ADAMTS6: variants seen among roughly 807,000 people sequenced by gnomAD.
ADAMTS6 encodes ADAM metallopeptidase with thrombospondin type 1 motif 6.
In ADAMTS6, 23 loss-of-function variants were observed where a neutral mutation model predicts 144.3. The observed-to-expected ratio is 0.16, with a 90% confidence interval of 0.11 to 0.23. The LOEUF (loss-of-function observed/expected upper bound fraction) is 0.23, where lower values mean the gene tolerates loss of function less well. Among genes scored for constraint, ADAMTS6 ranks in the 10% least tolerant of loss-of-function variants. The probability of loss-of-function intolerance (pLI) is 1.00; values close to 1 mark genes in which losing one functional copy is unlikely to be tolerated. For missense variants in ADAMTS6, 999 were observed against 1,379.6 expected, an observed-to-expected ratio of 0.72 and a Z score of 4.37; for synonymous variants, 444 against 457.5, an observed-to-expected ratio of 0.97 and a Z score of 0.38.
intron 11 of ADAMTS6, among the ~76,000 whole-genome samples, chr5:65,279,891 T>G (rs753202030): frequency 6.6e-6 from 1 of 152,204 alleles, no homozygotes; most frequent in Non-Finnish European, 1.5e-5. Flanking sequence ...TTCCTCGTGT[T>G]GTTTGTTATT....
chr5:65,315,973 G>A (rs1263887515), intron 9 of ADAMTS6, among the ~76,000 whole-genome samples: 2 of 152,242 alleles, frequency 1.3e-5, no homozygotes, highest in African/African-American at 4.8e-5. Context: ...GTGCAGTAGC[G>A]CAAGCTCAGC....
intron 7 of ADAMTS6, among the ~76,000 whole-genome samples, chr5:65,335,261 C>A (rs1044943357): frequency 6.6e-6 from 1 of 152,104 alleles, no homozygotes; most frequent in African/African-American, 2.4e-5. Context: ...TTCTTTTCCT[C>A]TTGCATAAAC....
At chr5:65,193,667 G>A (rs1348226359) in intron 21 of ADAMTS6, among the ~76,000 whole-genome samples, 1 of 152,030 alleles carries the variant, frequency 6.6e-6, no homozygotes, top group Non-Finnish European at 1.5e-5. Context: ...GAAAGTAATT[G>A]GACAATGTGA....
chr5:65,334,192 A>G (rs1747080545), intron 7 of ADAMTS6, 107 bp from the exon 8 acceptor site: 4 of 1,230,066 alleles, frequency 3.3e-6, no homozygotes, highest in Non-Finnish European at 4.5e-6. Context: ...AATTAATGCA[A>G]TTATGAGCAA....
At chr5:65,394,399 T>C (rs917763711) in intron 7 of ADAMTS6, among the ~76,000 whole-genome samples, 1 of 152,186 alleles carries the variant, frequency 6.6e-6, no homozygotes, top group Non-Finnish European at 1.5e-5. Context: ...TAGCCAGAAC[T>C]GCCCAGCTGA....
At chr5:65,416,126 C>T (rs773056981) in intron 7 of ADAMTS6, 1 of 190,050 alleles carries the variant, frequency 5.3e-6, no homozygotes, top group Non-Finnish European at 1.1e-5. Flanking sequence ...CTGTATTCAC[C>T]AAGTCTCCCT....
At chr5:65,413,730 TAATAA>T (rs1188499962) in intron 7 of ADAMTS6, among the ~76,000 whole-genome samples, 1 of 152,110 alleles carries the variant, frequency 6.6e-6, no homozygotes, top group Non-Finnish European at 1.5e-5. Flanking sequence ...TAATGTACAT[TAATAA>T]AATAAAATAT....
chr5:65,452,623 T>C (rs1758843243), intron 5 of ADAMTS6, 84 bp downstream of exon 5: 1 of 1,445,918 alleles, frequency 6.9e-7, no homozygotes, highest in Admixed American at 1.9e-5. Context: ...CTTATCATTA[T>C]TTACTTCACA....
chr5:65,270,036 A>C lies in ADAMTS6; in HGVS notation c.1620+3304T>G, dbSNP rs138034845. 4.6e-3 allele frequency among the ~76,000 whole-genome samples: 702 copies of C among 152,186 alleles called. 6 individuals are homozygous for C. Among genetic ancestry groups the C allele is most frequent in the African/African-American group, 0.016 (664 of 41,528 alleles). ...CTTGAACTCCTGACCTAAGGTGATCAGCCCACCTAGGCTTCCCAAAGTGCT... is the reference window on the plus strand; with the variant it reads ...CTTGAACTCCTGACCTAAGGTGATCCGCCCACCTAGGCTTCCCAAAGTGCT... On this transcript the variant is annotated intron_variant, in intron 12 of 24. Coordinates refer to ENST00000381055, the MANE Select transcript of ADAMTS6 (RefSeq NM_197941.4).
intron 11 of ADAMTS6, among the ~76,000 whole-genome samples, chr5:65,281,460 T>A (rs1762983267): frequency 6.6e-6 from 1 of 152,168 alleles, no homozygotes; most frequent in African/African-American, 2.4e-5. Context: ...ATATATGAGT[T>A]TAGGAATCAA....
chr5:65,470,338 G>A (rs369407509), intron 3 of ADAMTS6, among the ~76,000 whole-genome samples: 177 of 152,206 alleles, frequency 1.2e-3, no homozygotes, highest in African/African-American at 4.1e-3. Context: ...ATAACTGTAA[G>A]TAGGTCATAA....
chr5:65,201,612 T>C (rs1580040002), intron 20 of ADAMTS6, among the ~76,000 whole-genome samples: 2 of 152,218 alleles, frequency 1.3e-5, no homozygotes, highest in East Asian at 3.9e-4. Context: ...AATGGATAAA[T>C]GGGCATTCTA....
chr5:65,412,389 C>T (rs1755122066), intron 7 of ADAMTS6, among the ~76,000 whole-genome samples: 1 of 151,834 alleles, frequency 6.6e-6, no homozygotes, highest in South Asian at 2.1e-4. Context: ...AAAACACATA[C>T]ACACTTGCAT....
intron 11 of ADAMTS6, among the ~76,000 whole-genome samples, chr5:65,280,974 A>G: frequency 6.6e-6 from 1 of 152,226 alleles, no homozygotes; most frequent in East Asian, 1.9e-4. Flanking sequence ...TAGATACTTC[A>G]GCACATATTT....
At chr5:65,206,836 TCTCACACA>T (rs1390257029) in intron 20 of ADAMTS6, among the ~76,000 whole-genome samples, 16 of 105,584 alleles carry the variant, frequency 1.5e-4, no homozygotes, top group African/African-American at 3.5e-4. Flanking sequence ...TCTCTCTCTC[TCTCACACA>T]CACACACACA....
At chr5:65,323,764 T>C (rs562010731) in intron 9 of ADAMTS6, among the ~76,000 whole-genome samples, 1 of 152,246 alleles carries the variant, frequency 6.6e-6, no homozygotes, top group South Asian at 2.1e-4. Flanking sequence ...TTTCTCCACA[T>C]CTTCTTCAGC....
At chr5:65,263,507 G>C (rs1580227445) in intron 12 of ADAMTS6, among the ~76,000 whole-genome samples, 1 of 150,412 alleles carries the variant, frequency 6.6e-6, no homozygotes, top group South Asian at 2.1e-4. Flanking sequence ...CATAATAAAA[G>C]TAATGCCAAG....
rs147962233 is a variant in ADAMTS6 at position 65,447,661 on chromosome 5, TGATACA to T, written c.1073+3808_1073+3813del. ...GGTATATAATGTCATATTTCACCACTGATACATTGTGAATTTCATTCACTAATTTAG... is the reference window on the plus strand; with the variant it reads ...GGTATATAATGTCATATTTCACCACTTTGTGAATTTCATTCACTAATTTAG... On this transcript the variant is annotated intron_variant, in intron 7 of 24. Coordinates refer to ENST00000381055, the MANE Select transcript of ADAMTS6 (RefSeq NM_197941.4). Among the ~76,000 whole-genome samples the T allele has an allele frequency of 2.4e-3, 367 of 152,136 alleles. 3 individuals are homozygous for T. The highest frequency in any genetic ancestry group is 8.6e-3 in the African/African-American group (356 of 41,566).
intron 7 of ADAMTS6, among the ~76,000 whole-genome samples, chr5:65,382,748 C>T (rs1250744133): frequency 6.6e-6 from 1 of 152,228 alleles, no homozygotes; most frequent in East Asian, 1.9e-4. Flanking sequence ...GCTTAAGTGT[C>T]ACTCCTAAGA....
Sources: allele counts gnomAD v4.1 joint callset (sites outside exome capture counted in the v4.1 genomes callset), GRCh38; gene constraint gnomAD v4.1.1; transcripts MANE v1.5; gene names NCBI Gene and HGNC (gene_info 2026-07-23, HGNC 2026-07-21).